The following VAMP7 variants were observed in gnomAD, a reference collection of about 807,000 sequenced individuals.
The protein encoded by VAMP7 is vesicle associated membrane protein 7.
VAMP7 carries 14 observed loss-of-function variants against 29.6 expected under a neutral mutation model. The observed-to-expected ratio is 0.47, with a 90% CI of 0.31 to 0.74. The LOEUF (loss-of-function observed/expected upper bound fraction) is 0.74, where lower values mean the gene tolerates loss of function less well. VAMP7 is among the 30% of genes least tolerant of loss of function. The probability of loss-of-function intolerance (pLI) is 0.05; values close to 1 mark genes in which losing one functional copy is unlikely to be tolerated. For missense variants in VAMP7, 223 were observed against 262.4 expected (o/e 0.85, Z 1.04); for synonymous variants, 95 against 88.1 (o/e 1.08, Z -0.44).
intron 7 of VAMP7, among the ~76,000 whole-genome samples, chrX:155,940,688 G>A (rs1487027302): frequency 2.6e-5 from 4 of 152,098 alleles, no homozygotes; most frequent in East Asian, 1.9e-4. Context: ...GTCACCTAAC[G>A]AGATGTACTT....
chrX:155,926,323 A>G (rs758616011), intron 6 of VAMP7, among the ~76,000 whole-genome samples: 1 of 152,326 alleles, frequency 6.6e-6, no homozygotes, highest in South Asian at 2.1e-4. Context: ...ACCTTTATCA[A>G]TGATCTTAGC....
chrX:155,927,032 C>A (rs138889007), intron 6 of VAMP7, among the ~76,000 whole-genome samples: 1 of 152,048 alleles, frequency 6.6e-6, no homozygotes, highest in Non-Finnish European at 1.5e-5. Flanking sequence ...GGTCACAGAT[C>A]GTCATAACAG....
At chrX:155,910,369 A>T (rs111702606) in intron 5 of VAMP7, among the ~76,000 whole-genome samples, 1 of 152,162 alleles carries the variant, frequency 6.6e-6, no homozygotes, top group African/African-American at 2.4e-5. Flanking sequence ...ATGGACACTT[A>T]GGTTGACTCC....
chrX:155,911,449 A>T (rs1184169265), intron 5 of VAMP7, among the ~76,000 whole-genome samples: 1 of 152,074 alleles, frequency 6.6e-6, no homozygotes, highest in Non-Finnish European at 1.5e-5. Context: ...TTGGTTCCTG[A>T]AATACTAATT....
intron 5 of VAMP7, among the ~76,000 whole-genome samples, chrX:155,917,855 C>T (rs1467501398): frequency 2.6e-5 from 4 of 152,190 alleles, no homozygotes; most frequent in Non-Finnish European, 5.9e-5. Flanking sequence ...TGCCGCTGCT[C>T]TCTTCCGAAC....
chrX:155,888,556 G>T (rs748897970), intron 1 of VAMP7, among the ~76,000 whole-genome samples: 1 of 152,278 alleles, frequency 6.6e-6, no homozygotes, highest in Admixed American at 6.5e-5. Flanking sequence ...TTATGTTTAT[G>T]CCATTAAATA....
intron 6 of VAMP7, among the ~76,000 whole-genome samples, chrX:155,921,194 T>C (rs1348341776): frequency 1.3e-5 from 2 of 152,198 alleles, no homozygotes; most frequent in African/African-American, 4.8e-5. Context: ...TTTGTTGACT[T>C]CATGACTGAA....
intron 6 of VAMP7, among the ~76,000 whole-genome samples, chrX:155,935,681 G>A (rs754063078): frequency 3.9e-5 from 6 of 152,176 alleles, no homozygotes; most frequent in African/African-American, 1.2e-4. Flanking sequence ...TTGATCATCT[G>A]AAGCCTTCTT....
rs1340026104 is a variant in VAMP7 at position 155,904,715 on chromosome X, G to A, written c.433+4128G>A. On this transcript the variant is annotated intron_variant, in intron 5 of 7. Transcript: ENST00000286448. ...GGCCTTTTGTGTCTTCGTTCACTTA[G>A]CGTAATGATTGTGAGATTCATTCAT... Among the ~76,000 whole-genome samples the A allele has an allele frequency of 2.6e-5, 4 of 151,970 alleles. No homozygotes were observed. In the East Asian group the frequency reaches 7.7e-4, roughly 29 times the overall value.
In VAMP7 at chrX:155,942,898, T is replaced by C. The variant is rs1353932801; in HGVS notation, c.*947T>C. On this transcript the variant is annotated 3_prime_UTR_variant, in exon 8 of 8. Transcript: ENST00000286448. ...CATTCTGGGAAAAGCCCAAACCGAA[T>C]ACGGTCAGCAGTCAACTCCAGGGTT... is the stretch of plus-strand genomic sequence containing the variant. 1 of 151,894 alleles carries C rather than the reference T, an allele frequency of 6.6e-6. No individual in the cohort carries two copies. Among genetic ancestry groups the C allele is most frequent in the Non-Finnish European group, 1.5e-5 (1 of 67,976 alleles). The allele number at this position is 151,894 out of a possible 1,614,324, so 9.4% of individuals were successfully genotyped here.
chrX:155,923,968 CCTT>C (rs2066432916), intron 6 of VAMP7, among the ~76,000 whole-genome samples: 1 of 152,054 alleles, frequency 6.6e-6, no homozygotes, highest in Non-Finnish European at 1.5e-5. Flanking sequence ...CCATGTGTCT[CCTT>C]AACATGTGCA....
At chrX:155,921,550 C>A (rs191464905) in intron 6 of VAMP7, among the ~76,000 whole-genome samples, 17 of 152,082 alleles carry the variant, frequency 1.1e-4, no homozygotes, top group Admixed American at 5.2e-4. Context: ...TTATAGTAAT[C>A]ACTTATTCTT....
chrX:155,912,849 G>T (rs1287067133), intron 5 of VAMP7, among the ~76,000 whole-genome samples: 3 of 152,176 alleles, frequency 2.0e-5, no homozygotes, highest in African/African-American at 7.2e-5. Context: ...ATAGTAAAAT[G>T]ATTTATAATC....
chrX:155,932,081 A>G lies in VAMP7; in HGVS notation c.502-7620A>G, dbSNP rs763422661. On this transcript the variant is annotated intron_variant, in intron 6 of 7. Coordinates refer to ENST00000286448, the MANE Select transcript of VAMP7 (RefSeq NM_005638.6). ...CATTGGTCTATATCTCTGTTTTGGT[A>G]CCAGTACCATGCTGTTTTGGTTACT... Among the ~76,000 whole-genome samples, 4 of 152,238 alleles carry G rather than the reference A, an allele frequency of 2.6e-5. No individual in the cohort carries two copies. The South Asian group carries it at 8.3e-4, about 32-fold the overall frequency.
intron 6 of VAMP7, among the ~76,000 whole-genome samples, chrX:155,927,768 T>TTG (rs2066492065): frequency 6.6e-6 from 1 of 151,412 alleles, no homozygotes; most frequent in Admixed American, 6.6e-5. Context: ...AATGGCAGTT[T>TTG]TTTTTTTTTT....
At chrX:155,936,879 G>A (rs2066666826) in intron 6 of VAMP7, among the ~76,000 whole-genome samples, 1 of 152,170 alleles carries the variant, frequency 6.6e-6, no homozygotes, top group South Asian at 2.1e-4. Context: ...ATCAAAAAGA[G>A]TACAATAGTT....
At chrX:155,918,251 G>T (rs1351853664) in intron 5 of VAMP7, among the ~76,000 whole-genome samples, 4 of 151,202 alleles carry the variant, frequency 2.6e-5, no homozygotes, top group African/African-American at 9.7e-5. Flanking sequence ...GGCTCCGTGG[G>T]GGTGGAATAT....
At chrX:155,899,791 C>T (rs939093461) in intron 4 of VAMP7, among the ~76,000 whole-genome samples, 29 of 151,930 alleles carry the variant, frequency 1.9e-4, no homozygotes, top group Non-Finnish European at 3.1e-4. Context: ...TCTGTGTGAC[C>T]TTCTGAACAA....
At chrX:155,924,476 T>C (rs764073147) in intron 6 of VAMP7, among the ~76,000 whole-genome samples, 1 of 152,300 alleles carries the variant, frequency 6.6e-6, no homozygotes, top group African/African-American at 2.4e-5. Flanking sequence ...CAGCCCCTGG[T>C]AACTCTAATC....
Sources: allele counts gnomAD v4.1 joint callset (sites outside exome capture counted in the v4.1 genomes callset), GRCh38; gene constraint gnomAD v4.1.1; transcripts MANE v1.5; gene names NCBI Gene and HGNC (gene_info 2026-07-23, HGNC 2026-07-21).